The following IL12RB1 variants were observed in gnomAD, a reference collection of about 807,000 sequenced individuals.
IL12RB1 encodes the protein interleukin 12 receptor subunit beta 1, also known as interleukin-12 receptor subunit beta-1.
A neutral mutation model predicts 94.4 loss-of-function variants in IL12RB1; 64 were observed. The ratio of observed to expected loss-of-function variants is 0.68; its 90% CI spans 0.55 to 0.83. IL12RB1 has a LOEUF of 0.83. Among genes scored for constraint, IL12RB1 ranks in the 40% least tolerant of loss-of-function variants. The pLI is 0.00. For synonymous variants in IL12RB1, 362 were observed against 355.5 expected (o/e 1.02, Z -0.21); for missense variants, 814 against 855.6 (o/e 0.95, Z 0.61).
upstream of IL12RB1, among the ~76,000 whole-genome samples, chr19:18,088,253 G>A (rs1357876098): frequency 6.6e-6 from 1 of 151,912 alleles, no homozygotes; most frequent in African/African-American, 2.4e-5. Flanking sequence ...GGGTGTGGTG[G>A]CAGGCACCTG....
chr19:18,077,900 C>T (rs2035604891), intron 4 of IL12RB1, among the ~76,000 whole-genome samples: 1 of 152,078 alleles, frequency 6.6e-6, no homozygotes, highest in African/African-American at 2.4e-5. Context: ...ATCACTTAAG[C>T]CCAGGAGTTC....
intron 1 of IL12RB1, among the ~76,000 whole-genome samples, chr19:18,096,332 A>G (rs1193583786): frequency 6.6e-6 from 1 of 152,124 alleles, no homozygotes; most frequent in East Asian, 1.9e-4. Flanking sequence ...ATGGAGTAGA[A>G]CAATTATCTT....
At chr19:18,069,195 C>T (rs1048285498) in intron 10 of IL12RB1, among the ~76,000 whole-genome samples, 1 of 152,182 alleles carries the variant, frequency 6.6e-6, no homozygotes, top group Non-Finnish European at 1.5e-5. Context: ...CCTCACGGCC[C>T]CCCTTTCCCT....
rs1364368108 is a variant in IL12RB1 at position 18,081,017 on chromosome 19, G to C, written c.240-16C>G. The C allele has an allele frequency of 6.2e-7, 1 of 1,607,694 alleles. No homozygotes were observed. The highest frequency in any genetic ancestry group is 8.5e-7 in the Non-Finnish European group (1 of 1,179,436). ...GGAGCTAAGGCTGCAGCAGGAAGGA[G>C]GGTGTCAGTGCCGAGTCTGGGGTCC... On this transcript the variant is annotated splice_polypyrimidine_tract_variant and intron_variant, in intron 3 of 16. Transcript: ENST00000593993.
chr19:18,074,799 C>G (rs2035323690), intron 7 of IL12RB1, among the ~76,000 whole-genome samples: 1 of 151,582 alleles, frequency 6.6e-6, no homozygotes, highest in South Asian at 2.1e-4. Flanking sequence ...CGCCTGTAAT[C>G]CCAGCACTTT....
chr19:18,073,476 C>G, intron 8 of IL12RB1, 41 bp downstream of exon 8: 3 of 1,265,114 alleles, frequency 2.4e-6, no homozygotes, highest in Non-Finnish European at 3.5e-6. Flanking sequence ...CTCCTGCTCC[C>G]CATCCCAGGC....
At position 18,059,343 on chromosome 19, in the gene IL12RB1, A is replaced by G. The variant is rs2033954435; in HGVS notation, c.*265T>C. 1 of 573,596 alleles carries G rather than the reference A, an allele frequency of 1.7e-6. No homozygotes were observed. Among genetic ancestry groups the G allele is most frequent in the African/African-American group, 1.9e-5 (1 of 53,324 alleles). The allele number at this position is 573,596 out of a possible 1,614,324, so 35.5% of individuals were successfully genotyped here. On this transcript the variant is annotated 3_prime_UTR_variant, in exon 17 of 17. Coordinates refer to ENST00000593993, the MANE Select transcript of IL12RB1 (RefSeq NM_005535.3). The stretch of plus-strand genomic sequence containing the variant: ...ATCCATCTGAGCCCCCCTTGCCCCC[A>G]TTCCCAGTCCATTCTACGCCAGAAC...
rs554445318 is a variant in IL12RB1 at position 18,075,066 on chromosome 19, C to CA, written c.700+682dup. Reference sequence around the variant, plus strand: ...GACTCCGTCTCAAAAAAAAAAACAACAAAAAACAACAAACAAACAAACAAA... The same window carrying CA: ...GACTCCGTCTCAAAAAAAAAAACAACAAAAAAACAACAAACAAACAAACAAA... On this transcript the variant is annotated intron_variant, in intron 7 of 16. Transcript: ENST00000593993. 2.0e-5 allele frequency among the ~76,000 whole-genome samples: 3 copies of CA among 149,996 alleles called. No homozygotes were observed. The South Asian group carries it at 6.3e-4, about 32-fold the overall frequency.
intron 1 of IL12RB1, among the ~76,000 whole-genome samples, chr19:18,096,915 C>T (rs1334085149): frequency 6.6e-6 from 1 of 150,924 alleles, no homozygotes; most frequent in Non-Finnish European, 1.5e-5. Context: ...GAGGCCTAGG[C>T]AGAAGGATCT....
upstream of IL12RB1, among the ~76,000 whole-genome samples, chr19:18,091,041 G>A (rs76239044): frequency 0.021 from 3,252 of 152,240 alleles, 51 homozygotes; most frequent in Non-Finnish European, 0.031. Flanking sequence ...GGGGTGATGG[G>A]CTGGGGCCTC....
chr19:18,089,351 C>T (rs1294405097), upstream of IL12RB1, among the ~76,000 whole-genome samples: 20 of 152,020 alleles, frequency 1.3e-4, no homozygotes, highest in Non-Finnish European at 1.5e-5. Flanking sequence ...CCGGCCCGGG[C>T]GCGGTGGCTC....
intron 1 of IL12RB1, chr19:18,097,795 G>A: frequency 8.2e-7 from 1 of 1,222,912 alleles, no homozygotes; most frequent in Non-Finnish European, 1.0e-6. Flanking sequence ...CCCGGGCCAT[G>A]GACGAGTCGA....
upstream of IL12RB1, among the ~76,000 whole-genome samples, chr19:18,090,452 C>G (rs1350153802): frequency 6.6e-6 from 1 of 152,156 alleles, no homozygotes; most frequent in African/African-American, 2.4e-5. Flanking sequence ...TGGAGAGTCC[C>G]TCACTTGCCT....
intron 1 of IL12RB1, among the ~76,000 whole-genome samples, chr19:18,095,414 G>A (rs1166914295): frequency 2.0e-5 from 3 of 152,162 alleles, no homozygotes; most frequent in Admixed American, 2.0e-4. Flanking sequence ...GATGCTGAAC[G>A]AAGCCAGACA....
Position 18,069,721 on chromosome 19 carries a change from G to T in IL12RB1, c.1022-8C>A, listed in dbSNP as rs1413050421. The T allele has an allele frequency of 1.2e-6, 2 of 1,601,612 alleles. No individual in the cohort carries two copies. The highest frequency in any genetic ancestry group is 1.7e-6 in the Non-Finnish European group (2 of 1,170,046). On this transcript the variant is annotated splice_polypyrimidine_tract_variant and splice_region_variant and intron_variant, in intron 9 of 16. Coordinates refer to ENST00000593993, the MANE Select transcript of IL12RB1 (RefSeq NM_005535.3). ...TATTCAGAGCCACTGGTTCTGGAAGGAGAGGGGAGAGACGCATCGAGACAG... is the reference window on the plus strand; with the variant it reads ...TATTCAGAGCCACTGGTTCTGGAAGTAGAGGGGAGAGACGCATCGAGACAG...
rs781118937 is a variant in IL12RB1, at chr19:18,075,746, T to A, written c.700+3A>T. 57 of 1,612,228 alleles carry A rather than the reference T, an allele frequency of 3.5e-5. No individual in the cohort carries two copies. The highest frequency in any genetic ancestry group is 6.8e-6 in the Non-Finnish European group (8 of 1,178,476). The stretch of plus-strand genomic sequence containing the variant: ...CCTGTTCCTGTACTCAGAGTGATCT[T>A]ACCAGGGGGAACGCACACGGGGCTG... On this transcript the variant is annotated splice_donor_region_variant and intron_variant, in intron 7 of 16. Coordinates refer to ENST00000593993, the MANE Select transcript of IL12RB1 (RefSeq NM_005535.3).
intron 13 of IL12RB1, among the ~76,000 whole-genome samples, chr19:18,063,155 G>A (rs2034306822): frequency 7.5e-6 from 1 of 133,340 alleles, no homozygotes; most frequent in African/African-American, 3.0e-5. Context: ...GAGTGCAGTG[G>A]TGCAGTCACG....
chr19:18,063,635 C>T (rs1230495989), intron 13 of IL12RB1, among the ~76,000 whole-genome samples: 2 of 152,104 alleles, frequency 1.3e-5, no homozygotes, highest in African/African-American at 4.8e-5. Flanking sequence ...GGAGTTGGAC[C>T]GTGTGGAAAA....
At chr19:18,079,766 G>A (rs889582932) in intron 4 of IL12RB1, among the ~76,000 whole-genome samples, 3 of 151,912 alleles carry the variant, frequency 2.0e-5, no homozygotes, top group African/African-American at 4.8e-5. Context: ...GCGCGGTGGC[G>A]GGCGCCTGTA....
Sources: gnomAD v4.1 joint callset for allele counts (sites outside exome capture counted in the v4.1 genomes callset) on GRCh38, gnomAD v4.1.1 for gene constraint, MANE v1.5 for transcripts, NCBI Gene and HGNC (gene_info 2026-07-23, HGNC 2026-07-21) for gene names.